The following NEGR1 variants were observed in gnomAD, a reference collection of about 807,000 sequenced individuals.
NEGR1 encodes IgLON family member 4.
In NEGR1, 10 loss-of-function variants were observed where a neutral mutation model predicts 40.9. That is an observed-to-expected ratio of 0.24 (90% CI 0.15 to 0.42). NEGR1 has a LOEUF of 0.42. Among genes scored for constraint, NEGR1 ranks in the 10% least tolerant of loss-of-function variants. The probability of loss-of-function intolerance (pLI) is 1.00; values close to 1 mark genes in which losing one functional copy is unlikely to be tolerated. For missense variants in NEGR1, 352 were observed against 438.9 expected (o/e 0.80, Z 1.77); for synonymous variants, 185 against 166.8 (o/e 1.11, Z -0.84).
intron 2 of NEGR1, among the ~76,000 whole-genome samples, chr1:71,906,558 G>C (rs12088386): frequency 0.022 from 3,325 of 150,168 alleles, 66 homozygotes; most frequent in Middle Eastern, 0.069. Context: ...TAATTGTTAA[G>C]TTGATTGCTT....
At chr1:71,720,874 C>G (rs1654486941) in intron 3 of NEGR1, among the ~76,000 whole-genome samples, 1 of 152,112 alleles carries the variant, frequency 6.6e-6, no homozygotes, top group Admixed American at 6.6e-5. Context: ...GATTCTTTCA[C>G]TACAGAAAAT....
intron 6 of NEGR1, among the ~76,000 whole-genome samples, chr1:71,517,568 G>A (rs1327179174): frequency 6.9e-6 from 1 of 145,186 alleles, no homozygotes; most frequent in Non-Finnish European, 1.5e-5. Context: ...GTGTTGATGG[G>A]ATGTATTTCA....
At chr1:71,739,880 T>G (rs1017797294) in intron 3 of NEGR1, among the ~76,000 whole-genome samples, 6 of 152,200 alleles carry the variant, frequency 3.9e-5, no homozygotes, top group Non-Finnish European at 8.8e-5. Flanking sequence ...AAGTTTTATT[T>G]AATAAAAACA....
intron 4 of NEGR1, among the ~76,000 whole-genome samples, chr1:71,647,728 C>T (rs1280890858): frequency 6.6e-6 from 1 of 151,942 alleles, no homozygotes; most frequent in South Asian, 2.1e-4. Context: ...ACTAATGTCA[C>T]TATTTGCAGC....
intron 6 of NEGR1, among the ~76,000 whole-genome samples, chr1:71,545,166 G>A (rs759020790): frequency 1.3e-5 from 2 of 151,616 alleles, no homozygotes; most frequent in African/African-American, 2.4e-5. Flanking sequence ...ATCTAGTAGT[G>A]GGGGAGTGGT....
chr1:71,693,739 A>C (rs1653376525), intron 4 of NEGR1, among the ~76,000 whole-genome samples: 1 of 151,454 alleles, frequency 6.6e-6, no homozygotes, highest in African/African-American at 2.4e-5. Flanking sequence ...CAAAACTGGC[A>C]CTCTTAACTG....
chr1:72,168,474 T>C (rs1295316254), intron 1 of NEGR1, among the ~76,000 whole-genome samples: 4 of 152,112 alleles, frequency 2.6e-5, no homozygotes, highest in Admixed American at 6.6e-5. Flanking sequence ...ATGAAGATTT[T>C]CTGGTGGGTT....
At chr1:71,741,725 G>A (rs1436839863) in intron 3 of NEGR1, among the ~76,000 whole-genome samples, 4 of 152,118 alleles carry the variant, frequency 2.6e-5, no homozygotes, top group Admixed American at 6.5e-5. Flanking sequence ...TTGGCTTATC[G>A]TTCTGCAGGC....
At chr1:71,614,451 T>G (rs1441466327) in intron 4 of NEGR1, among the ~76,000 whole-genome samples, 1 of 152,126 alleles carries the variant, frequency 6.6e-6, no homozygotes, top group East Asian at 1.9e-4. Context: ...TTAAATATAT[T>G]AAAAAATCTA....
At chr1:71,653,079 A>G (rs1651769335) in intron 4 of NEGR1, among the ~76,000 whole-genome samples, 1 of 151,280 alleles carries the variant, frequency 6.6e-6, no homozygotes, top group South Asian at 2.1e-4. Flanking sequence ...GACTTAGTTA[A>G]TGCTTACAAA....
intron 1 of NEGR1, among the ~76,000 whole-genome samples, chr1:72,066,458 G>T (rs1162790069): frequency 7.2e-5 from 11 of 152,092 alleles, no homozygotes. Context: ...AATAAATAAT[G>T]ATTAACTGTT....
Position 71,808,553 on chromosome 1 carries a change from A to G in NEGR1, c.410-32256T>C, listed in dbSNP as rs1472944184. Reference sequence around the variant, plus strand: ...GCCTACAAGTATATTCCACACATGCAGCTCAAAAGAGCCTTTATTATACTT... The same window carrying G: ...GCCTACAAGTATATTCCACACATGCGGCTCAAAAGAGCCTTTATTATACTT... On this transcript the variant is annotated intron_variant, in intron 2 of 6. Coordinates refer to ENST00000357731, the MANE Select transcript of NEGR1 (RefSeq NM_173808.3). Among the ~76,000 whole-genome samples, 4 of 152,306 alleles carry G rather than the reference A, an allele frequency of 2.6e-5. No homozygotes were observed. The East Asian group carries it at 7.7e-4, about 29-fold the overall frequency.
chr1:71,938,537 A>G (rs1645931190), intron 1 of NEGR1, among the ~76,000 whole-genome samples: 1 of 150,528 alleles, frequency 6.6e-6, no homozygotes, highest in Non-Finnish European at 1.5e-5. Context: ...ACAAAGAGAT[A>G]TTGCTTGACA....
chr1:72,198,838 C>T (rs1432501331), intron 1 of NEGR1, among the ~76,000 whole-genome samples: 1 of 151,730 alleles, frequency 6.6e-6, no homozygotes, highest in Non-Finnish European at 1.5e-5. Context: ...AATAAGTTTT[C>T]CTTATTTTTA....
At chr1:71,502,053 A>G (rs1336254685) in intron 6 of NEGR1, among the ~76,000 whole-genome samples, 1 of 152,204 alleles carries the variant, frequency 6.6e-6, no homozygotes, top group Non-Finnish European at 1.5e-5. Context: ...GATGTGCCCT[A>G]TGGTTATTTG....
intron 3 of NEGR1, among the ~76,000 whole-genome samples, chr1:71,765,078 A>C (rs1199359814): frequency 6.6e-6 from 1 of 152,134 alleles, no homozygotes; most frequent in Non-Finnish European, 1.5e-5. Context: ...GATCCACTAC[A>C]GCTTTCTGAA....
At chr1:71,913,957 T>C (rs940205090) in intron 2 of NEGR1, among the ~76,000 whole-genome samples, 1 of 152,008 alleles carries the variant, frequency 6.6e-6, no homozygotes, top group African/African-American at 2.4e-5. Context: ...GATAAGCTTC[T>C]CTGTGAAGAG....
chr1:72,085,015 A>G (rs1200185914), intron 1 of NEGR1, among the ~76,000 whole-genome samples: 2 of 152,186 alleles, frequency 1.3e-5, no homozygotes, highest in South Asian at 4.1e-4. Context: ...AACGTGAGAC[A>G]CTTGTGAACT....
intron 3 of NEGR1, among the ~76,000 whole-genome samples, chr1:71,768,134 A>G (rs1196201472): frequency 6.6e-6 from 1 of 152,210 alleles, no homozygotes; most frequent in Non-Finnish European, 1.5e-5. Flanking sequence ...GCCGCCACAC[A>G]GAGTCCCCAC....
Sources: allele counts gnomAD v4.1 joint callset (sites outside exome capture counted in the v4.1 genomes callset), GRCh38; gene constraint gnomAD v4.1.1; transcripts MANE v1.5; gene names NCBI Gene and HGNC (gene_info 2026-07-23, HGNC 2026-07-21).